Variants in ANKS1B observed in about 807,000 individuals in gnomAD.
ANKS1B encodes the protein ankyrin repeat and sterile alpha motif domain containing 1B.
Under a neutral mutation model 148.3 loss-of-function variants are expected in ANKS1B, and 36 were observed. The observed-to-expected ratio is 0.24, with a 90% CI of 0.19 to 0.32. ANKS1B has a LOEUF of 0.32. Ranked by LOEUF, ANKS1B falls within the 10% of genes least tolerant of loss-of-function variation. ANKS1B has a pLI of 1.00. For missense variants in ANKS1B, 1,157 were observed against 1,542.6 expected (o/e 0.75, Z 4.19); for synonymous variants, 542 against 560.8 (o/e 0.97, Z 0.47).
chr12:98,848,589 C>T (rs931582817), intron 17 of ANKS1B, among the ~76,000 whole-genome samples: 4 of 148,248 alleles, frequency 2.7e-5, no homozygotes, highest in Non-Finnish European at 4.5e-5. Flanking sequence ...TGCGGAGTCT[C>T]GCTCTGTCGC....
At chr12:99,440,883 A>G (rs866698633) in intron 11 of ANKS1B, among the ~76,000 whole-genome samples, 5 of 151,970 alleles carry the variant, frequency 3.3e-5, no homozygotes, top group Non-Finnish European at 7.4e-5. Flanking sequence ...AGTAGTATCT[A>G]TTTTCAGTGA....
intron 19 of ANKS1B, among the ~76,000 whole-genome samples, chr12:98,817,023 C>A (rs2099147262): frequency 6.6e-6 from 1 of 151,994 alleles, no homozygotes; most frequent in African/African-American, 2.4e-5. Context: ...AAGACTTTTT[C>A]TCTGTTTCTC....
chr12:99,329,055 T>C (rs945280959), intron 12 of ANKS1B, among the ~76,000 whole-genome samples: 1 of 151,304 alleles, frequency 6.6e-6, no homozygotes, highest in Non-Finnish European at 1.5e-5. Flanking sequence ...TCAGAAAAAA[T>C]AGAATCCAAA....
intron 1 of ANKS1B, among the ~76,000 whole-genome samples, chr12:99,936,709 G>A (rs1348715598): frequency 1.3e-5 from 2 of 152,044 alleles, no homozygotes; most frequent in East Asian, 3.9e-4. Flanking sequence ...AACTTACTAA[G>A]GTCCTCCTCA....
intron 8 of ANKS1B, among the ~76,000 whole-genome samples, chr12:99,759,513 C>G (rs1016743405): frequency 6.6e-6 from 1 of 152,080 alleles, no homozygotes; most frequent in African/African-American, 2.4e-5. Context: ...AATTAATTTG[C>G]TCTTCAAGGT....
intron 10 of ANKS1B, among the ~76,000 whole-genome samples, chr12:99,453,222 A>G (rs2095787100): frequency 6.6e-6 from 1 of 152,114 alleles, no homozygotes. Flanking sequence ...CCCGGGAAGC[A>G]GAGCTTGGAG....
At chr12:99,388,215 C>A (rs1277233166) in intron 12 of ANKS1B, among the ~76,000 whole-genome samples, 1 of 152,144 alleles carries the variant, frequency 6.6e-6, no homozygotes, top group East Asian at 1.9e-4. Flanking sequence ...TGAGAGACAT[C>A]AATAGTTTAT....
At chr12:98,978,021 C>A (rs1323443014) in intron 17 of ANKS1B, among the ~76,000 whole-genome samples, 1 of 151,890 alleles carries the variant, frequency 6.6e-6, no homozygotes, top group East Asian at 1.9e-4. Context: ...AGTTTAAATT[C>A]CCATACTAGG....
intron 1 of ANKS1B, among the ~76,000 whole-genome samples, chr12:99,899,992 G>A (rs1419867318): frequency 1.3e-5 from 2 of 151,632 alleles, no homozygotes; most frequent in African/African-American, 2.4e-5. Flanking sequence ...TCCGCTTCCC[G>A]GGTTCAAGCG....
intron 12 of ANKS1B, among the ~76,000 whole-genome samples, chr12:99,313,116 A>C (rs1255178176): frequency 6.6e-6 from 1 of 152,200 alleles, no homozygotes; most frequent in Non-Finnish European, 1.5e-5. Flanking sequence ...ACAGAAATAC[A>C]AGCTACTATC....
At chr12:99,735,916 A>G (rs2059578352) in intron 8 of ANKS1B, among the ~76,000 whole-genome samples, 1 of 151,972 alleles carries the variant, frequency 6.6e-6, no homozygotes, top group Non-Finnish European at 1.5e-5. Context: ...CACATACACC[A>G]TGATCTAGTT....
intron 25 of ANKS1B, among the ~76,000 whole-genome samples, chr12:98,771,646 G>C (rs7295356): frequency 0.013 from 2,010 of 151,936 alleles, 47 homozygotes; most frequent in African/African-American, 0.046. Flanking sequence ...GCTAATTTTT[G>C]TTTGTTTGTT....
intron 8 of ANKS1B, among the ~76,000 whole-genome samples, chr12:99,756,394 C>A (rs1222453799): frequency 6.6e-6 from 1 of 151,974 alleles, no homozygotes; most frequent in Non-Finnish European, 1.5e-5. Flanking sequence ...TAAAAGATTT[C>A]TACAAGAACT....
At chr12:99,337,187 G>GT (rs2089064408) in intron 12 of ANKS1B, among the ~76,000 whole-genome samples, 1 of 151,754 alleles carries the variant, frequency 6.6e-6, no homozygotes, top group Non-Finnish European at 1.5e-5. Context: ...GTGCTTCATT[G>GT]TTTTTTCTTT....
At chr12:99,325,334 T>C (rs1403688795) in intron 12 of ANKS1B, among the ~76,000 whole-genome samples, 1 of 152,066 alleles carries the variant, frequency 6.6e-6, no homozygotes, top group African/African-American at 2.4e-5. Context: ...GGTGTGAGAA[T>C]GGTGAAATCA....
intron 17 of ANKS1B, among the ~76,000 whole-genome samples, chr12:99,052,585 G>A (rs374534327): frequency 2.7e-5 from 4 of 148,636 alleles, no homozygotes; most frequent in East Asian, 2.1e-4. Flanking sequence ...AAAATTAGCC[G>A]GGCGCGGTGG....
At chr12:99,231,665 G>T (rs142417043) in intron 14 of ANKS1B, among the ~76,000 whole-genome samples, 1 of 150,356 alleles carries the variant, frequency 6.7e-6, no homozygotes, top group African/African-American at 2.4e-5. Flanking sequence ...AAAAAAAAAT[G>T]TTTCCCTAGA....
chr12:99,837,858 C>A (rs766859460), intron 1 of ANKS1B, among the ~76,000 whole-genome samples: 8 of 151,896 alleles, frequency 5.3e-5, no homozygotes, highest in African/African-American at 1.2e-4. Context: ...GAATTCTGGG[C>A]TTTTAGTGTA....
chr12:98,915,313 T>C (rs902109969), intron 17 of ANKS1B, among the ~76,000 whole-genome samples: 4 of 152,128 alleles, frequency 2.6e-5, no homozygotes, highest in African/African-American at 4.8e-5. Flanking sequence ...TCTTTCAGAC[T>C]TGATTTCAGA....
Sources: allele counts gnomAD v4.1 joint callset (sites outside exome capture counted in the v4.1 genomes callset), GRCh38; gene constraint gnomAD v4.1.1; transcripts MANE v1.5; gene names NCBI Gene and HGNC (gene_info 2026-07-23, HGNC 2026-07-21).